Variants in RUSC1 observed in about 807,000 individuals in gnomAD.
RUSC1 encodes the protein RUN and SH3 domain containing 1, also known as AP-4 complex accessory subunit RUSC1.
A neutral mutation model predicts 72.1 loss-of-function variants in RUSC1; 40 were observed. The ratio of observed to expected loss-of-function variants is 0.55; its 90% CI spans 0.43 to 0.72. RUSC1 has a LOEUF of 0.72. RUSC1 is among the 30% of genes least tolerant of loss of function. RUSC1 has a pLI of 0.00. For missense variants in RUSC1, 1,092 were observed against 1,172.3 expected (o/e 0.93, Z 1.00); for synonymous variants, 512 against 494.2 (o/e 1.04, Z -0.48).
chr1:155,328,051 C>A, intron 8 of RUSC1, 99 bp from the exon 9 acceptor site: 4 of 1,473,580 alleles, frequency 2.7e-6, no homozygotes, highest in Non-Finnish European at 2.7e-6. Flanking sequence ...CTCTTTTGAA[C>A]CACAATTAGG....
Position 155,326,647 on chromosome 1 carries a change from G to A in RUSC1, c.1929G>A (p.Leu643=). 1 of 1,613,946 alleles carries A rather than the reference G, an allele frequency of 6.2e-7. No individual in the cohort carries two copies. Among genetic ancestry groups the A allele is most frequent in the Non-Finnish European group, 8.5e-7 (1 of 1,180,028 alleles). Residue 643 remains leucine, a synonymous_variant, in exon 8 of 10, where the codon CTG becomes CTA. Coordinates refer to ENST00000368352, the MANE Select transcript of RUSC1 (RefSeq NM_001105203.2). The surrounding 1 kb of genome is among the most constrained non-coding windows in gnomAD (Gnocchi z 4.7). ...FSLARGGCPS[L]STELLLLLQP... ...TGGCCCGCGGTGGTTGTCCCTCCCT[G>A]TCCACAGAGCTGCTGCTCCTGCTGC...
chr1:155,321,511 C>G, intron 1 of RUSC1, 177 bp from the exon 2 acceptor site: 1 of 1,471,262 alleles, frequency 6.8e-7, no homozygotes, highest in Non-Finnish European at 9.2e-7. Context: ...ACATTCGACT[C>G]CATCTGCAAA....
intron 2 of RUSC1, chr1:155,323,944 C>G (rs1267329202): frequency 1.0e-5 from 10 of 994,350 alleles, no homozygotes; most frequent in Non-Finnish European, 1.2e-5. Context: ...TAAGCCGACT[C>G]CAAGCAAGTT....
At chr1:155,324,396 C>T in intron 2 of RUSC1, 1 of 1,613,020 alleles carries the variant, frequency 6.2e-7, no homozygotes, top group Non-Finnish European at 8.5e-7. Context: ...TCCCTTTCCC[C>T]TGTCTGTCTT....
Position 155,325,546 on chromosome 1 carries a change from G to A in RUSC1, c.1709-21G>A. On this transcript the variant is annotated intron_variant, in intron 5 of 9. Coordinates refer to ENST00000368352, the MANE Select transcript of RUSC1 (RefSeq NM_001105203.2). The surrounding 1 kb of genome is among the most constrained non-coding windows in gnomAD (Gnocchi z 6.5). ...GCGCAGGGCAGGGCCGGGCTTGGCT[G>A]ACTGCACCCCACGTTCTCAGGCTCC... 1 of 1,607,680 alleles carries A rather than the reference G, an allele frequency of 6.2e-7. No homozygotes were observed. The highest frequency in any genetic ancestry group is 1.1e-5 in the South Asian group (1 of 91,046).
Position 155,328,206 on chromosome 1 carries a change from G to T in RUSC1, c.2471G>T (p.Gly824Val). ...AGTGTGTTGGCTCTTGTGAAGCGGG[G>T]GGCACCTCCCGAGATGCCTTCTCCT... The part of the protein sequence containing the change: ...TVSVLALVKR[G>V]APPEMPSPQE... The change falls in exon 9 of 10, where the codon GGG (glycine) becomes GTG (valine). Residue 824 changes from glycine (G) to valine (V), a missense_variant. Physicochemically the swap from Gly to Val is moderately radical, Grantham distance 109 (BLOSUM62 -3). Transcript: ENST00000368352. The T allele has an allele frequency of 6.2e-7, 1 of 1,613,446 alleles. No individual in the cohort carries two copies. The highest frequency in any genetic ancestry group is 8.5e-7 in the Non-Finnish European group (1 of 1,179,732).
Position 155,325,628 on chromosome 1 carries a change from C to A in RUSC1, c.1770C>A (p.Ser590Arg). ...YSQVSRLAPL[S>R]SSRSRFHAFI... Reference sequence around the variant, plus strand: ...AGGTCAGCCGTCTAGCCCCGCTGAGCAGCAGCCGTAGCCGCTTCCATGCCT... The same window carrying A: ...AGGTCAGCCGTCTAGCCCCGCTGAGAAGCAGCCGTAGCCGCTTCCATGCCT... Residue 590 changes from serine (S) to arginine (R), a missense_variant, in exon 6 of 10, where the codon AGC (serine) becomes AGA (arginine). Ser to Arg is a moderately radical substitution (Grantham distance 110). Coordinates refer to ENST00000368352, the MANE Select transcript of RUSC1 (RefSeq NM_001105203.2). The surrounding 1 kb of genome is among the most constrained non-coding windows in gnomAD (Gnocchi z 6.5). The A allele has an allele frequency of 6.2e-7, 1 of 1,613,328 alleles. No individual in the cohort carries two copies. Among genetic ancestry groups the A allele is most frequent in the Non-Finnish European group, 8.5e-7 (1 of 1,179,976 alleles).
At chr1:155,330,284 C>T in intron 9 of RUSC1, 119 bp from the exon 10 acceptor site, 1 of 988,842 alleles carries the variant, frequency 1.0e-6, no homozygotes, top group Non-Finnish European at 1.5e-6. Context: ...CAAGTCCTTC[C>T]AGAGCCCAGT....
chr1:155,321,101 A>ACGATG, intron 1 of RUSC1, 110 bp downstream of exon 1: 1 of 1,391,234 alleles, frequency 7.2e-7, no homozygotes, highest in Non-Finnish European at 9.6e-7. Flanking sequence ...TGGTGGCTGA[A>ACGATG]CGATGGAGAC....
At position 155,322,448 on chromosome 1, in the gene RUSC1, G is replaced by A. The variant is rs762645945; in HGVS notation, c.675G>A (p.Thr225=). ...ADDGKIDAGK[T]EPSWKINPIW... Reference sequence around the variant, plus strand: ...ATGGGAAAATCGACGCTGGGAAAACGGAGCCCAGTTGGAAGATTAACCCAA... The same window carrying A: ...ATGGGAAAATCGACGCTGGGAAAACAGAGCCCAGTTGGAAGATTAACCCAA... The change falls in exon 2 of 10, where the codon ACG becomes ACA. Residue 225 remains threonine (T), a synonymous_variant. Transcript: ENST00000368352. The A allele has an allele frequency of 1.2e-5, 19 of 1,613,940 alleles. No homozygotes were observed. The Admixed American group carries it at 3.2e-4, about 27-fold the overall frequency.
At position 155,325,936 on chromosome 1, in the gene RUSC1, G is replaced by A. The variant is rs973313241; in HGVS notation, c.1861+26G>A. 1.2e-6 allele frequency: 2 copies of A among 1,612,160 alleles called. No individual in the cohort carries two copies. The highest frequency in any genetic ancestry group is 1.7e-6 in the Non-Finnish European group (2 of 1,178,240). On this transcript the variant is annotated intron_variant, in intron 7 of 9. Coordinates refer to ENST00000368352, the MANE Select transcript of RUSC1 (RefSeq NM_001105203.2). This position sits in a 1 kb window ranked among gnomAD's most constrained non-coding sequence, Gnocchi z 6.5. Reference sequence around the variant, plus strand: ...GTCAGAGGTTCAGATGGTAGAGGATGGGGCTGATGGGCTGGGAGGATGGGA... The same window carrying A: ...GTCAGAGGTTCAGATGGTAGAGGATAGGGCTGATGGGCTGGGAGGATGGGA...
At position 155,330,423 on chromosome 1, in the gene RUSC1, A is replaced by G. The variant is rs752492385; in HGVS notation, c.2561A>G (p.Asp854Gly). 1.2e-6 allele frequency: 2 copies of G among 1,612,948 alleles called. No individual in the cohort carries two copies. The highest frequency in any genetic ancestry group is 1.7e-6 in the Non-Finnish European group (2 of 1,180,006). ...QTHRAVRALCDHTAARPDQLS... is the reference protein window; with the variant it reads ...QTHRAVRALCGHTAARPDQLS... ...CTCAGGGCAGTGCGGGCTCTCTGTGATCACACTGCTGCAAGACCTGACCAG... is the reference window on the plus strand; with the variant it reads ...CTCAGGGCAGTGCGGGCTCTCTGTGGTCACACTGCTGCAAGACCTGACCAG... The change falls in exon 10 of 10, where the codon GAT (aspartate) becomes GGT (glycine). Residue 854 changes from aspartate (D) to glycine (G), a missense_variant. Asp to Gly is a moderately conservative substitution (Grantham distance 94, BLOSUM62 -1). Transcript: ENST00000368352.
Position 155,326,288 on chromosome 1 carries a change from C to T in RUSC1, c.1862-292C>T, listed in dbSNP as rs1473561051. ...TACCTCTACCCTCGGACTAGGCCAA[C>T]CCCCACGCCTCATTTTGTATGTGCT... On this transcript the variant is annotated intron_variant, in intron 7 of 9. Coordinates refer to ENST00000368352, the MANE Select transcript of RUSC1 (RefSeq NM_001105203.2). The surrounding 1 kb of genome is among the most constrained non-coding windows in gnomAD (Gnocchi z 4.7). 3.6e-6 allele frequency: 2 copies of T among 549,532 alleles called. No individual in the cohort carries two copies. The highest frequency in any genetic ancestry group is 6.5e-6 in the Non-Finnish European group (2 of 308,600). 34.0% of individuals were successfully genotyped at this position (549,532 alleles called of 1,614,324 possible). A position where few individuals can be genotyped will look rare whatever the true frequency, so the allele number is the denominator to read the frequency against.
chr1:155,328,983 T>G (rs906859859), intron 9 of RUSC1, among the ~76,000 whole-genome samples: 4 of 152,188 alleles, frequency 2.6e-5, no homozygotes, highest in Admixed American at 2.6e-4. Flanking sequence ...TCCACCCACC[T>G]CAGCCTCCCA....
rs780415298 is a variant in RUSC1, at chr1:155,322,399, C to G, written c.626C>G (p.Thr209Ser). Residue 209 changes from threonine to serine, a missense_variant, in exon 2 of 10, where the codon ACC (threonine) becomes AGC (serine). Thr to Ser is a moderately conservative substitution (Grantham distance 58). Transcript: ENST00000368352. Reference protein sequence around the residue: ...EDERAEQDLPTSELLEADDGK... With the variant: ...EDERAEQDLPSSELLEADDGK... ...GAGAGGGCGGAGCAGGATCTCCCTA[C>G]CTCTGAGCTCTTAGAGGCGGATGAT... is the stretch of plus-strand genomic sequence containing the variant. 1 of 1,614,182 alleles carries G rather than the reference C, an allele frequency of 6.2e-7. No individual in the cohort carries two copies. Among genetic ancestry groups the G allele is most frequent in the Non-Finnish European group, 8.5e-7 (1 of 1,180,018 alleles).
rs79639800 is a variant in RUSC1, at chr1:155,324,905, C to T, written c.1418C>T (p.Ala473Val). Residue 473 changes from alanine (A) to valine (V), a missense_variant, in exon 3 of 10, where the codon GCC becomes GTC. By Grantham distance (64) the Ala-to-Val change is moderately conservative. Transcript: ENST00000368352. ...PGAQRLWMAE[A>V]QSGTGQLQEQ... ...GCCCAGCGGCTGTGGATGGCAGAAGCCCAGAGTGGGACTGGTCAGCTGCAG... is the reference window on the plus strand; with the variant it reads ...GCCCAGCGGCTGTGGATGGCAGAAGTCCAGAGTGGGACTGGTCAGCTGCAG... 3 of 1,614,216 alleles carry T rather than the reference C, an allele frequency of 1.9e-6. No homozygotes were observed. Among genetic ancestry groups the T allele is most frequent in the Non-Finnish European group, 1.7e-6 (2 of 1,180,032 alleles).
intron 9 of RUSC1, 82 bp downstream of exon 9, chr1:155,328,357 T>G: frequency 7.0e-7 from 1 of 1,421,838 alleles, no homozygotes; most frequent in South Asian, 1.6e-5. Flanking sequence ...TAAAAAACCC[T>G]GGGCTTTAAA....
chr1:155,330,664 A>G lies in RUSC1; in HGVS notation c.*93A>G. The G allele has an allele frequency of 7.9e-7, 1 of 1,267,810 alleles. No individual in the cohort carries two copies. 78.5% of individuals were successfully genotyped at this position (1,267,810 alleles called of 1,614,324 possible). A position where few individuals can be genotyped will look rare whatever the true frequency, so the allele number is the denominator to read the frequency against. Reference sequence around the variant, plus strand: ...CATCCCAGAAGCATTTTCCCTCTGCAAAATGACGTTTCTTCCCACGTCTGT... The same window carrying G: ...CATCCCAGAAGCATTTTCCCTCTGCGAAATGACGTTTCTTCCCACGTCTGT... On this transcript the variant is annotated 3_prime_UTR_variant, in exon 10 of 10. Coordinates refer to ENST00000368352, the MANE Select transcript of RUSC1 (RefSeq NM_001105203.2).
Position 155,326,501 on chromosome 1 carries a change from G to A in RUSC1, c.1862-79G>A, listed in dbSNP as rs1326499617. 18 of 1,409,362 alleles carry A rather than the reference G, an allele frequency of 1.3e-5. No individual in the cohort carries two copies. The highest frequency in any genetic ancestry group is 2.0e-5 in the Admixed American group (1 of 49,440). 87.3% of individuals were successfully genotyped at this position (1,409,362 alleles called of 1,614,324 possible). On this transcript the variant is annotated intron_variant, in intron 7 of 9. Transcript: ENST00000368352. This position sits in a 1 kb window ranked among gnomAD's most constrained non-coding sequence, Gnocchi z 4.7. ...CAGAGTGAGGCCTGGGAAGATGTGT[G>A]CTGACTGGTGGGCTGCTCTGGGGGG...
Sources: allele counts gnomAD v4.1 joint callset (sites outside exome capture counted in the v4.1 genomes callset), GRCh38; gene constraint gnomAD v4.1.1; non-coding constraint Gnocchi (gnomAD v3.1); transcripts MANE v1.5; gene names NCBI Gene and HGNC (gene_info 2026-07-23, HGNC 2026-07-21).